The following WDR44 variants were observed in gnomAD, a reference collection of about 807,000 sequenced individuals.
WDR44 encodes WD repeat domain 44.
In WDR44, 9 loss-of-function variants were observed where a neutral mutation model predicts 65.7. The observed-to-expected ratio is 0.14, with a 90% confidence interval of 0.08 to 0.24. The LOEUF (loss-of-function observed/expected upper bound fraction) is 0.24, where lower values mean the gene tolerates loss of function less well. WDR44 is among the 10% of genes least tolerant of loss of function. The pLI is 1.00. For missense variants in WDR44, 425 were observed against 670.9 expected, an observed-to-expected ratio of 0.63 and a Z score of 4.05; for synonymous variants, 220 against 235.2, an observed-to-expected ratio of 0.94 and a Z score of 0.59.
chrX:118,363,435 A>G (rs5956954), intron 1 of WDR44, among the ~76,000 whole-genome samples: 15,988 of 107,751 alleles, frequency 0.15, 2,362 homozygotes, highest in African/African-American at 0.42. Context: ...AAAAAGAAAA[A>G]AATAGAAAAA....
At chrX:118,389,884 T>TTTTATTTATTTA (rs755587014) in intron 3 of WDR44, among the ~76,000 whole-genome samples, 7 of 107,876 alleles carry the variant, frequency 6.5e-5, no homozygotes, top group African/African-American at 2.4e-4. Flanking sequence ...ACTGTCTGCT[T>TTTTATTTATTTA]TTTATTTATT....
At chrX:118,424,450 C>A (rs1225594978) in intron 12 of WDR44, among the ~76,000 whole-genome samples, 2 of 104,957 alleles carry the variant, frequency 1.9e-5, no homozygotes, top group Non-Finnish European at 3.9e-5. Flanking sequence ...TGTTGAGCAC[C>A]TTTTCATGTA....
chrX:118,421,286 TC>T (rs2057103337), intron 12 of WDR44, among the ~76,000 whole-genome samples: 1 of 112,236 alleles, frequency 8.9e-6, no homozygotes, highest in Non-Finnish European at 1.9e-5. Context: ...TACTTATAGA[TC>T]CTCAGCTACA....
chrX:118,368,977 C>G (rs2056582268), intron 1 of WDR44, among the ~76,000 whole-genome samples: 1 of 108,986 alleles, frequency 9.2e-6, no homozygotes. Context: ...ATCCACCCAC[C>G]TTGGCCTCCC....
chrX:118,381,834 G>T (rs1266518874), intron 2 of WDR44, among the ~76,000 whole-genome samples: 1 of 108,381 alleles, frequency 9.2e-6, no homozygotes, highest in Non-Finnish European at 1.9e-5. Context: ...ATCCCAAAGT[G>T]CTGGGATTAT....
rs765389642 is a variant in WDR44, at chrX:118,389,786, T to C, written c.186+2372T>C. The stretch of plus-strand genomic sequence containing the variant: ...GAGAGGAAAGGCATTACTGAAGGCA[T>C]GGAGGTGGGGAATGTGCAGAACATT... On this transcript the variant is annotated intron_variant, in intron 3 of 19. Transcript: ENST00000254029. Among the ~76,000 whole-genome samples the C allele has an allele frequency of 5.6e-5, 6 of 106,429 alleles. No homozygotes were observed. The South Asian group carries it at 2.5e-3, about 45-fold the overall frequency. 92.4% of individuals were successfully genotyped at this position (106,429 alleles called of 115,157 possible).
intron 12 of WDR44, among the ~76,000 whole-genome samples, chrX:118,420,514 A>G (rs1029098771): frequency 9.0e-6 from 1 of 111,471 alleles, no homozygotes; most frequent in Non-Finnish European, 1.9e-5. Context: ...CGGCCCCCCA[A>G]AGTGCTGGGA....
chrX:118,402,089 T>C (rs2056922203), intron 8 of WDR44, among the ~76,000 whole-genome samples: 1 of 109,704 alleles, frequency 9.1e-6, no homozygotes, highest in African/African-American at 3.3e-5. Context: ...ATATATATTG[T>C]AGTCTTTCTG....
At position 118,367,162 on chromosome X, in the gene WDR44, A is replaced by G. The variant is rs1464090120; in HGVS notation, c.78-11257A>G. On this transcript the variant is annotated intron_variant, in intron 1 of 19. Transcript: ENST00000254029. ...GCAGAGGGGTGGAAGAGGAGTACTGATATTTTTATCATTGTTGAACATGAT... is the reference window on the plus strand; with the variant it reads ...GCAGAGGGGTGGAAGAGGAGTACTGGTATTTTTATCATTGTTGAACATGAT... Among the ~76,000 whole-genome samples the G allele has an allele frequency of 7.1e-5, 8 of 111,927 alleles. No homozygotes were observed. The East Asian group carries it at 2.2e-3, about 31-fold the overall frequency.
intron 3 of WDR44, among the ~76,000 whole-genome samples, chrX:118,391,836 T>C (rs2056823402): frequency 9.0e-6 from 1 of 110,544 alleles, no homozygotes; most frequent in Non-Finnish European, 1.9e-5. Flanking sequence ...ATACAAAAAT[T>C]ATCCCGGCGT....
chrX:118,424,616 C>T (rs1480002360), intron 12 of WDR44, among the ~76,000 whole-genome samples: 3 of 109,549 alleles, frequency 2.7e-5, no homozygotes, highest in African/African-American at 1.0e-4. Context: ...ATTAGATAAA[C>T]GGTTTGCAAA....
intron 1 of WDR44, among the ~76,000 whole-genome samples, chrX:118,371,913 G>A (rs1266246716): frequency 9.1e-6 from 1 of 109,481 alleles, no homozygotes; most frequent in Admixed American, 9.8e-5. Context: ...ACCTTAATAT[G>A]TAAAAAGGAT....
At chrX:118,427,492 C>T (rs1336908373) in intron 12 of WDR44, among the ~76,000 whole-genome samples, 2 of 108,025 alleles carry the variant, frequency 1.9e-5, no homozygotes, top group African/African-American at 6.7e-5. Context: ...GGATAGTCTC[C>T]ATCTCCTGAC....
At chrX:118,417,581 G>C (rs1465220957) in intron 12 of WDR44, among the ~76,000 whole-genome samples, 1 of 111,737 alleles carries the variant, frequency 8.9e-6, no homozygotes, top group Non-Finnish European at 1.9e-5. Flanking sequence ...TCCTTTATAC[G>C]TTACCTGGTG....
chrX:118,419,501 C>A (rs1359977724), intron 12 of WDR44, among the ~76,000 whole-genome samples: 2 of 112,351 alleles, frequency 1.8e-5, no homozygotes, highest in Non-Finnish European at 3.8e-5. Flanking sequence ...TTTCCCACTT[C>A]TGCAGTTTGG....
chrX:118,382,773 AT>A (rs1256898150), intron 2 of WDR44, among the ~76,000 whole-genome samples: 1 of 112,231 alleles, frequency 8.9e-6, no homozygotes, highest in Non-Finnish European at 1.9e-5. Flanking sequence ...ATTGCTGAAA[AT>A]TGAATAAGCT....
At chrX:118,411,371 T>G (rs1327710818) in intron 12 of WDR44, among the ~76,000 whole-genome samples, 1 of 112,302 alleles carries the variant, frequency 8.9e-6, no homozygotes, top group Non-Finnish European at 1.9e-5. Context: ...ATAAGGTATC[T>G]TAATGATTTT....
intron 6 of WDR44, 135 bp downstream of exon 6, chrX:118,395,479 A>C (rs1174698600): frequency 4.5e-5 from 19 of 422,901 alleles, no homozygotes; most frequent in Non-Finnish European, 7.3e-5. Context: ...ACCCAGAACT[A>C]TACACTTAAA....
intron 8 of WDR44, among the ~76,000 whole-genome samples, 176 bp downstream of exon 8, chrX:118,398,646 G>A (rs1387274032): frequency 1.8e-5 from 2 of 112,564 alleles, no homozygotes; most frequent in Non-Finnish European, 3.8e-5. Flanking sequence ...AAGCATCTGG[G>A]CTGGGCGCAA....
Sources: gnomAD v4.1 joint callset for allele counts (sites outside exome capture counted in the v4.1 genomes callset) on GRCh38, gnomAD v4.1.1 for gene constraint, MANE v1.5 for transcripts, NCBI Gene and HGNC (gene_info 2026-07-23, HGNC 2026-07-21) for gene names.